Variants in TLN2 observed in about 807,000 individuals in gnomAD.
TLN2 encodes talin 2.
In TLN2, 118 loss-of-function variants were observed where a neutral mutation model predicts 294.7. The ratio of observed to expected loss-of-function variants is 0.40; its 90% CI spans 0.34 to 0.47. TLN2 has a LOEUF of 0.47. TLN2 is among the 20% of genes least tolerant of loss of function. The probability of loss-of-function intolerance (pLI) is 0.84; values close to 1 mark genes in which losing one functional copy is unlikely to be tolerated. For synonymous variants in TLN2, 1,431 were observed against 1,304.5 expected (o/e 1.10, Z -2.09); for missense variants, 3,083 against 3,282.2 (o/e 0.94, Z 1.48).
intron 44 of TLN2, among the ~76,000 whole-genome samples, chr15:62,781,919 G>A (rs145073677): frequency 1.3e-5 from 2 of 152,296 alleles, no homozygotes; most frequent in East Asian, 3.9e-4. Flanking sequence ...GATAGTGAAT[G>A]CTATCTGATA....
intron 1 of TLN2, among the ~76,000 whole-genome samples, chr15:62,476,155 C>T (rs1164528918): frequency 4.6e-5 from 7 of 152,162 alleles, no homozygotes; most frequent in African/African-American, 1.7e-4. Flanking sequence ...CAGAGGGTGC[C>T]AGCTGTGTTG....
chr15:62,468,750 A>AAAT (rs1465539080), intron 1 of TLN2, among the ~76,000 whole-genome samples: 8 of 107,928 alleles, frequency 7.4e-5, no homozygotes, highest in Admixed American at 1.2e-4. Context: ...GTCTCAAAAA[A>AAAT]AAAATAAAAA....
chr15:62,620,837 CTTTTTTTTTTTTTT>C (rs71129016), intron 3 of TLN2, among the ~76,000 whole-genome samples: 1 of 66,418 alleles, frequency 1.5e-5, no homozygotes, highest in Non-Finnish European at 2.9e-5. Context: ...CTTTCTTTTT[CTTTTTTTTTTTTTT>C]TTTTTTTCTG....
intron 1 of TLN2, among the ~76,000 whole-genome samples, chr15:62,530,993 T>A (rs111893841): frequency 0.061 from 9,327 of 152,262 alleles, 558 homozygotes; most frequent in African/African-American, 0.15. Context: ...TAGTCGTGAA[T>A]AATTTTTCCT....
chr15:62,699,872 G>A (rs2058606502), intron 16 of TLN2, among the ~76,000 whole-genome samples: 1 of 152,158 alleles, frequency 6.6e-6, no homozygotes, highest in South Asian at 2.1e-4. Context: ...AGAATCAGTG[G>A]TTTTTATTCT....
chr15:62,548,076 C>T (rs1174384626), intron 1 of TLN2, among the ~76,000 whole-genome samples: 1 of 152,108 alleles, frequency 6.6e-6, no homozygotes, highest in Admixed American at 6.6e-5. Context: ...TGGAAAGATA[C>T]TTAAAAGTAT....
chr15:62,514,087 G>A (rs1020044481), intron 1 of TLN2, among the ~76,000 whole-genome samples: 2 of 152,258 alleles, frequency 1.3e-5, no homozygotes, highest in South Asian at 2.1e-4. Flanking sequence ...TAATATATGC[G>A]CACAGCACAC....
chr15:62,609,368 C>G (rs1400485102), intron 2 of TLN2, among the ~76,000 whole-genome samples: 6 of 152,204 alleles, frequency 3.9e-5, no homozygotes, highest in Admixed American at 3.3e-4. Flanking sequence ...ATCTAATTCT[C>G]AGATGCCGTT....
chr15:62,727,341 G>T, intron 28 of TLN2, 152 bp downstream of exon 28: 3 of 671,240 alleles, frequency 4.5e-6, no homozygotes. Flanking sequence ...GCTTGTTACC[G>T]GGCTTGATAC....
In TLN2 at chr15:62,719,817, A is replaced by C; in HGVS notation, c.2928A>C (p.Gln976His). ...TGGTCCAGGGAGTGAGGGGGAGCCA[A>C]GCTCAAGCTGAAGACCTGAGTGCCC... ...PQLVQGVRGS[Q>H]AQAEDLSAQL... The change falls in exon 25 of 59, where the codon CAA becomes CAC. Residue 976 changes from glutamine (Q) to histidine (H), a missense_variant. By Grantham distance (24) the Gln-to-His change is conservative. Transcript: ENST00000636159. The C allele has an allele frequency of 1.2e-6, 2 of 1,612,578 alleles. No individual in the cohort carries two copies. Among genetic ancestry groups the C allele is most frequent in the South Asian group, 1.1e-5 (1 of 90,820 alleles).
Position 62,692,913 on chromosome 15 carries a change from C to G in TLN2, c.1187C>G (p.Ala396Gly). 1 of 1,612,166 alleles carries G rather than the reference C, an allele frequency of 6.2e-7. No individual in the cohort carries two copies. The highest frequency in any genetic ancestry group is 1.1e-5 in the South Asian group (1 of 90,678). ...GGAGAGCAGATATCCCAGCTGATTG[C>G]AGGCTACATTGACATCATCCTGAAA... is the stretch of plus-strand genomic sequence containing the variant. Reference protein sequence around the residue: ...TEGEQISQLIAGYIDIILKKK... With the variant: ...TEGEQISQLIGGYIDIILKKK... The change falls in exon 13 of 59, where the codon GCA becomes GGA. Residue 396 changes from alanine to glycine, a missense_variant. Coordinates refer to ENST00000636159, the MANE Select transcript of TLN2 (RefSeq NM_015059.3).
At chr15:62,710,459 G>A (rs1244559547) in intron 21 of TLN2, among the ~76,000 whole-genome samples, 2 of 152,076 alleles carry the variant, frequency 1.3e-5, no homozygotes. Context: ...AACAAGATAG[G>A]AATGCTTCAC....
At chr15:62,536,048 A>G (rs896607179) in intron 1 of TLN2, among the ~76,000 whole-genome samples, 12 of 152,104 alleles carry the variant, frequency 7.9e-5, no homozygotes, top group African/African-American at 2.9e-4. Flanking sequence ...GACATTTATT[A>G]TTATTGTTAC....
intron 15 of TLN2, 48 bp from the exon 16 acceptor site, chr15:62,698,706 C>T (rs369453029): frequency 9.9e-5 from 149 of 1,498,270 alleles, no homozygotes; most frequent in Middle Eastern, 2.0e-4. Flanking sequence ...AGGGCCATGT[C>T]GGTCCCAGGC....
rs376188486 is a variant in TLN2, at chr15:62,838,843, G to A, written c.7375-13G>A. 2.2e-5 allele frequency: 36 copies of A among 1,608,030 alleles called. No individual in the cohort carries two copies. The highest frequency in any genetic ancestry group is 3.1e-5 in the Non-Finnish European group (36 of 1,179,634). Reference sequence around the variant, plus strand: ...TTTCTAATGATATAATGTATGTTTTGTTCACTCTCCAGGCGGCAGGAAATG... The same window carrying A: ...TTTCTAATGATATAATGTATGTTTTATTCACTCTCCAGGCGGCAGGAAATG... On this transcript the variant is annotated splice_polypyrimidine_tract_variant and intron_variant, in intron 57 of 58. Transcript: ENST00000636159.
In TLN2 at chr15:62,836,025, C is replaced by T. The variant is rs1410328189; in HGVS notation, c.7326C>T (p.Ala2442=). 1 of 1,612,892 alleles carries T rather than the reference C, an allele frequency of 6.2e-7. No homozygotes were observed. Among genetic ancestry groups the T allele is most frequent in the Non-Finnish European group, 8.5e-7 (1 of 1,179,484 alleles). The stretch of plus-strand genomic sequence containing the variant: ...CTTCCACGGCTCAGCTGCTGGTGGC[C>T]TGCAAGGTGAAGGCCGACCAGGATT... ...VAASTAQLLV[A]CKVKADQDSE... The change falls in exon 57 of 59, where the codon GCC becomes GCT. Residue 2442 remains alanine (A), a synonymous_variant. Coordinates refer to ENST00000636159, the MANE Select transcript of TLN2 (RefSeq NM_015059.3).
intron 3 of TLN2, among the ~76,000 whole-genome samples, chr15:62,627,884 G>A (rs1026232075): frequency 2.6e-5 from 4 of 152,046 alleles, no homozygotes; most frequent in African/African-American, 4.8e-5. Context: ...TGGGGCTCAT[G>A]TTCTGTTTCC....
At chr15:62,459,187 A>G (rs2036653067) in intron 1 of TLN2, among the ~76,000 whole-genome samples, 1 of 151,770 alleles carries the variant, frequency 6.6e-6, no homozygotes, top group Non-Finnish European at 1.5e-5. Flanking sequence ...TTTTTAGTAG[A>G]GACAGGGTTT....
chr15:62,736,743 C>G, intron 28 of TLN2, 135 bp from the exon 29 acceptor site: 1 of 975,718 alleles, frequency 1.0e-6, no homozygotes, highest in East Asian at 2.6e-5. Context: ...TTGAGAAACA[C>G]AGCAATTCAA....
Sources: gnomAD v4.1 joint callset for allele counts (sites outside exome capture counted in the v4.1 genomes callset) on GRCh38, gnomAD v4.1.1 for gene constraint, MANE v1.5 for transcripts, NCBI Gene and HGNC (gene_info 2026-07-23, HGNC 2026-07-21) for gene names.